The following MGAT5 variants were observed in gnomAD, a reference collection of about 807,000 sequenced individuals.
MGAT5 encodes the protein alpha-1,6-mannosylglycoprotein 6-beta-N-acetylglucosaminyltransferase, also known as alpha-1,6-mannosylglycoprotein 6-beta-N-acetylglucosaminyltransferase A.
A neutral mutation model predicts 94.3 loss-of-function variants in MGAT5; 30 were observed. That is an observed-to-expected ratio of 0.32 (90% CI 0.24 to 0.43). The LOEUF (loss-of-function observed/expected upper bound fraction) is 0.43. MGAT5 is among the 20% of genes least tolerant of loss of function. The pLI is 1.00. For synonymous variants in MGAT5, 310 were observed against 322.9 expected (o/e 0.96, Z 0.43); for missense variants, 691 against 905.5 (o/e 0.76, Z 3.04).
chr2:134,273,608 T>G (rs551969441), intron 2 of MGAT5, among the ~76,000 whole-genome samples: 1 of 146,858 alleles, frequency 6.8e-6, no homozygotes, highest in South Asian at 2.2e-4. Context: ...TTTATTTTCT[T>G]TAGGGGGATA....
At position 134,204,049 on chromosome 2, in the gene MGAT5, C is replaced by T. The variant is rs181857981; in HGVS notation, c.-142-50213C>T. On this transcript the variant is annotated intron_variant, in intron 1 of 16. Transcript: ENST00000409645. ...TTAACAGTGACCCTTTGTACAGGTA[C>T]TTATAAAAGGATCAGATCTGTCTAA... is the stretch of plus-strand genomic sequence containing the variant. Among the ~76,000 whole-genome samples, 18 of 152,310 alleles carry T rather than the reference C, an allele frequency of 1.2e-4. No homozygotes were observed. The East Asian group carries it at 3.1e-3, about 26-fold the overall frequency.
intron 11 of MGAT5, 38 bp from the exon 12 acceptor site, chr2:134,412,831 T>G: frequency 6.2e-7 from 1 of 1,611,188 alleles, no homozygotes; most frequent in East Asian, 2.2e-5. Context: ...TGGTCCTGCC[T>G]GATGTGTTCA....
chr2:134,403,544 C>T (rs1683176170), intron 11 of MGAT5, among the ~76,000 whole-genome samples: 1 of 152,208 alleles, frequency 6.6e-6, no homozygotes. Context: ...CCAGCTTTTC[C>T]TCATACCTCC....
At chr2:134,395,714 G>A (rs907142857) in intron 10 of MGAT5, among the ~76,000 whole-genome samples, 4 of 152,122 alleles carry the variant, frequency 2.6e-5, no homozygotes, top group Non-Finnish European at 5.9e-5. Context: ...TGCTCTTTCC[G>A]TACCACCCAT....
At chr2:134,416,443 G>A (rs1231682625) in intron 12 of MGAT5, among the ~76,000 whole-genome samples, 2 of 149,242 alleles carry the variant, frequency 1.3e-5, no homozygotes, top group East Asian at 4.0e-4. Flanking sequence ...GTTTGTTCAT[G>A]TTGTAGCCTG....
chr2:134,434,738 A>G (rs1685076275), intron 14 of MGAT5, among the ~76,000 whole-genome samples: 1 of 152,044 alleles, frequency 6.6e-6, no homozygotes, highest in East Asian at 1.9e-4. Context: ...GACTGCTACC[A>G]CCACTTTCCC....
intron 4 of MGAT5, among the ~76,000 whole-genome samples, chr2:134,328,072 T>G (rs1394210516): frequency 6.6e-6 from 1 of 152,106 alleles, no homozygotes; most frequent in African/African-American, 2.4e-5. Context: ...AGGAATTTAT[T>G]TGCTGCTTCT....
intron 1 of MGAT5, among the ~76,000 whole-genome samples, chr2:134,189,607 T>TTTTTTTTTTTTTG (rs1553490425): frequency 3.7e-5 from 3 of 80,660 alleles, no homozygotes; most frequent in African/African-American, 1.7e-4. Flanking sequence ...TTTTTGTTTT[T>TTTTTTTTTTTTTG]TTTTTTTTTT....
chr2:134,322,628 G>A (rs559117095), intron 4 of MGAT5, among the ~76,000 whole-genome samples: 46 of 152,244 alleles, frequency 3.0e-4, no homozygotes, highest in African/African-American at 8.2e-4. Flanking sequence ...TTGTAAAACC[G>A]ATTAATTCCT....
chr2:134,303,442 A>G lies in MGAT5; in HGVS notation c.407-14087A>G, dbSNP rs185342675. Among the ~76,000 whole-genome samples the G allele has an allele frequency of 3.7e-4, 57 of 152,294 alleles. No homozygotes were observed. The East Asian group carries it at 9.7e-3, about 26-fold the overall frequency. On this transcript the variant is annotated intron_variant, in intron 2 of 15. Coordinates refer to ENST00000281923, the MANE Select transcript of MGAT5 (RefSeq NM_002410.5). The stretch of plus-strand genomic sequence containing the variant: ...GATTTTTTTTCTAGTAGGCAGTTAA[A>G]TTACTGACTTACTGCCTTGAACTTA...
intron 1 of MGAT5, among the ~76,000 whole-genome samples, chr2:134,207,020 G>C (rs1372196781): frequency 6.6e-6 from 1 of 152,226 alleles, no homozygotes; most frequent in Non-Finnish European, 1.5e-5. Flanking sequence ...AACCAATACA[G>C]AGTCTCACTG....
At chr2:134,361,386 G>A (rs1052013981) in intron 9 of MGAT5, among the ~76,000 whole-genome samples, 4 of 152,204 alleles carry the variant, frequency 2.6e-5, no homozygotes, top group Admixed American at 6.5e-5. Flanking sequence ...CCTGAAAAAC[G>A]GAGATTTCTC....
At chr2:134,124,432 T>C (rs897851671) in intron 1 of MGAT5, among the ~76,000 whole-genome samples, 1 of 152,248 alleles carries the variant, frequency 6.6e-6, no homozygotes, top group Non-Finnish European at 1.5e-5. Flanking sequence ...ACAGTTCTCT[T>C]GTCTAAACAT....
chr2:134,394,020 G>A (rs1682565185), intron 10 of MGAT5, among the ~76,000 whole-genome samples: 2 of 152,158 alleles, frequency 1.3e-5, no homozygotes, highest in African/African-American at 4.8e-5. Flanking sequence ...GAAAGGTAAA[G>A]GTGTGTACCA....
At chr2:134,381,249 C>T (rs920625928) in intron 10 of MGAT5, among the ~76,000 whole-genome samples, 1 of 151,948 alleles carries the variant, frequency 6.6e-6, no homozygotes, top group Non-Finnish European at 1.5e-5. Flanking sequence ...AGGACGATTG[C>T]TTGTATTGTA....
chr2:134,348,267 A>G (rs1399443397), intron 8 of MGAT5, among the ~76,000 whole-genome samples: 2 of 152,206 alleles, frequency 1.3e-5, no homozygotes, highest in African/African-American at 2.4e-5. Flanking sequence ...CTGCCCACCT[A>G]TCGGCCACGA....
At chr2:134,340,254 G>T (rs1236236262) in intron 6 of MGAT5, among the ~76,000 whole-genome samples, 1 of 152,110 alleles carries the variant, frequency 6.6e-6, no homozygotes, top group African/African-American at 2.4e-5. Flanking sequence ...TCTACTAAGT[G>T]GTATAAGAGG....
At chr2:134,363,401 A>G (rs908607817) in intron 10 of MGAT5, among the ~76,000 whole-genome samples, 1 of 152,232 alleles carries the variant, frequency 6.6e-6, no homozygotes, top group African/African-American at 2.4e-5. Context: ...CACCAAAGGG[A>G]TGATGAGATC....
Position 134,270,366 on chromosome 2 carries a change from G to A in MGAT5, c.242-20G>A. 2 of 1,610,938 alleles carry A rather than the reference G, an allele frequency of 1.2e-6. No homozygotes were observed. The highest frequency in any genetic ancestry group is 1.1e-5 in the South Asian group (1 of 90,816). ...GTAGAGGCCATAGAATTTTAAAATT[G>A]TCTGCACTTTCTTTTACAGATCTGA... On this transcript the variant is annotated intron_variant, in intron 1 of 15. Transcript: ENST00000281923.
Sources: gnomAD v4.1 joint callset for allele counts (sites outside exome capture counted in the v4.1 genomes callset) on GRCh38, gnomAD v4.1.1 for gene constraint, MANE v1.5 for transcripts, NCBI Gene and HGNC (gene_info 2026-07-23, HGNC 2026-07-21) for gene names.